The following MGAM variants were observed in gnomAD, a reference collection of about 807,000 sequenced individuals.
MGAM encodes maltase-glucoamylase.
Under a neutral mutation model 358.8 loss-of-function variants are expected in MGAM, and 253 were observed. The ratio of observed to expected loss-of-function variants is 0.71; its 90% CI spans 0.64 to 0.78. MGAM has a LOEUF of 0.78. Among genes scored for constraint, MGAM ranks in the 30% least tolerant of loss-of-function variants. The pLI is 0.00. For synonymous variants in MGAM, 1,105 were observed against 1,227.1 expected (o/e 0.90, Z 2.08); for missense variants, 3,080 against 3,432.6 (o/e 0.90, Z 2.57).
chr7:142,081,685 A>T (rs1393573410), intron 50 of MGAM, among the ~76,000 whole-genome samples: 1 of 145,706 alleles, frequency 6.9e-6, no homozygotes, highest in Non-Finnish European at 1.6e-5. Context: ...ACATGAGGTG[A>T]GATCCTCGTA....
At chr7:142,046,351 T>C (rs2129026682) in intron 21 of MGAM, among the ~76,000 whole-genome samples, 1 of 151,988 alleles carries the variant, frequency 6.6e-6, no homozygotes, top group Non-Finnish European at 1.5e-5. Flanking sequence ...CCTTGTGTGC[T>C]TGGTGATCTT....
intron 8 of MGAM, 74 bp downstream of exon 8, chr7:142,025,223 GGAAT>G: frequency 8.7e-7 from 1 of 1,146,932 alleles, no homozygotes; most frequent in Non-Finnish European, 1.3e-6. Context: ...TATGATAAAA[GGAAT>G]GGATCCCTTT....
intron 10 of MGAM, among the ~76,000 whole-genome samples, chr7:142,028,231 A>C (rs572029628): frequency 2.3e-4 from 35 of 152,256 alleles, no homozygotes; most frequent in African/African-American, 7.5e-4. Context: ...AAATTCCTCT[A>C]AGATTCTGGC....
intron 3 of MGAM, among the ~76,000 whole-genome samples, chr7:142,010,117 A>G (rs138891159): frequency 0.013 from 1,912 of 152,218 alleles, 16 homozygotes; most frequent in Non-Finnish European, 0.018. Context: ...ATGAGAGGGA[A>G]TCCTTTTCCA....
At chr7:141,996,250 G>A (rs1377616879) in intron 1 of MGAM, among the ~76,000 whole-genome samples, 2 of 150,138 alleles carry the variant, frequency 1.3e-5, no homozygotes, top group African/African-American at 2.5e-5. Context: ...GCAGTGAGCC[G>A]AGATCACGCC....
intron 1 of MGAM, among the ~76,000 whole-genome samples, chr7:141,996,561 A>G (rs1330005579): frequency 6.6e-6 from 1 of 152,218 alleles, no homozygotes; most frequent in Non-Finnish European, 1.5e-5. Flanking sequence ...AAATTCTTTC[A>G]GATTCTGGAA....
intron 45 of MGAM, 122 bp from the exon 46 acceptor site, chr7:142,076,081 A>G: frequency 1.3e-6 from 1 of 773,980 alleles, no homozygotes; most frequent in Non-Finnish European, 2.2e-6. Flanking sequence ...TTATTCATCC[A>G]TAAGGTAAAG....
Position 142,030,569 on chromosome 7 carries a change from C to T in MGAM, c.1354-72C>T, listed in dbSNP as rs188967732. On this transcript the variant is annotated intron_variant, in intron 11 of 70. Coordinates refer to ENST00000475668, the MANE Select transcript of MGAM (RefSeq NM_001365693.1). ...TACACCCATCTCTCCTGCTTTCTCCCCCAGTTCCCAGTCTCCTTTCAGTGC... is the reference window on the plus strand; with the variant it reads ...TACACCCATCTCTCCTGCTTTCTCCTCCAGTTCCCAGTCTCCTTTCAGTGC... 5 of 1,604,994 alleles carry T rather than the reference C, an allele frequency of 3.1e-6. No individual in the cohort carries two copies. In the African/African-American group the frequency reaches 6.7e-5, roughly 21 times the overall value.
At chr7:142,065,967 T>TG in intron 40 of MGAM, 136 bp downstream of exon 40, 1 of 748,970 alleles carries the variant, frequency 1.3e-6, no homozygotes, top group Non-Finnish European at 2.0e-6. Flanking sequence ...TGTTTTGTTT[T>TG]GTTTTTTTTT....
At chr7:141,997,908 T>C (rs1454404037) in intron 1 of MGAM, among the ~76,000 whole-genome samples, 3 of 152,316 alleles carry the variant, frequency 2.0e-5, no homozygotes, top group Middle Eastern at 3.4e-3. Context: ...GGGGTCCTCT[T>C]TGCAAGTTGT....
chr7:141,991,788 G>A (rs566715861), upstream of MGAM, among the ~76,000 whole-genome samples: 16 of 152,102 alleles, frequency 1.1e-4, no homozygotes, highest in Non-Finnish European at 2.1e-4. Flanking sequence ...CATAGTCTTC[G>A]AGGCTCCCAA....
chr7:142,036,435 CT>C, intron 17 of MGAM, 150 bp downstream of exon 17: 1 of 667,760 alleles, frequency 1.5e-6, no homozygotes, highest in East Asian at 2.7e-5. Context: ...TAACCAGAAT[CT>C]GTGCTGTATC....
At chr7:141,989,966 G>A (rs1372348375) in intron 2 of MGAM, among the ~76,000 whole-genome samples, 4 of 152,178 alleles carry the variant, frequency 2.6e-5, no homozygotes, top group Admixed American at 1.3e-4. Context: ...ATGAAGTCAT[G>A]TTCCATGTAG....
upstream of MGAM, among the ~76,000 whole-genome samples, chr7:141,992,475 C>G (rs771992280): frequency 7.2e-5 from 11 of 152,306 alleles, no homozygotes; most frequent in East Asian, 1.9e-4. Flanking sequence ...ACTCAAGTCA[C>G]ATGTCTTAGG....
At chr7:142,065,507 A>G (rs1310134416) in intron 38 of MGAM, 39 bp downstream of exon 38, 1 of 1,613,902 alleles carries the variant, frequency 6.2e-7, no homozygotes, top group East Asian at 2.2e-5. Context: ...CCGACAGGGC[A>G]GGGAGTTGGG....
chr7:141,998,302 A>G (rs1024131720), intron 1 of MGAM, among the ~76,000 whole-genome samples: 1 of 152,180 alleles, frequency 6.6e-6, no homozygotes, highest in African/African-American at 2.4e-5. Flanking sequence ...GGTTCGTTAC[A>G]TGGGTATACA....
rs116427505 is a variant in MGAM at position 142,065,498 on chromosome 7, C to T, written c.4618+30C>T. On this transcript the variant is annotated intron_variant, in intron 38 of 70. Transcript: ENST00000475668. ...GTGGGTCCTTCCCCAGGGCCTTTGC[C>T]GACAGGGCAGGGAGTTGGGATCCTT... 9.8e-4 allele frequency: 1,583 copies of T among 1,613,702 alleles called. 12 individuals are homozygous for T. In the African/African-American group the frequency reaches 0.015, roughly 16 times the overall value.
intron 10 of MGAM, 193 bp from the exon 11 acceptor site, chr7:142,030,169 T>C (rs782657056): frequency 5.6e-5 from 34 of 605,436 alleles, no homozygotes; most frequent in Non-Finnish European, 9.4e-5. Context: ...GGCCAAGCCC[T>C]AGGGAACCAA....
At chr7:142,065,513 T>C in intron 38 of MGAM, 45 bp downstream of exon 38, 1 of 1,613,764 alleles carries the variant, frequency 6.2e-7, no homozygotes, top group Non-Finnish European at 8.5e-7. Flanking sequence ...GGGCAGGGAG[T>C]TGGGATCCTT....
Sources: gnomAD v4.1 joint callset for allele counts (sites outside exome capture counted in the v4.1 genomes callset) on GRCh38, gnomAD v4.1.1 for gene constraint, MANE v1.5 for transcripts, NCBI Gene and HGNC (gene_info 2026-07-23, HGNC 2026-07-21) for gene names.